Variants in PPARGC1B observed in about 807,000 individuals in gnomAD.
PPARGC1B encodes peroxisome proliferator-activated receptor gamma coactivator 1-beta.
A neutral mutation model predicts 101.6 loss-of-function variants in PPARGC1B; 34 were observed. That is an observed-to-expected ratio of 0.33 (90% CI 0.25 to 0.45). The LOEUF (loss-of-function observed/expected upper bound fraction) is 0.45. Ranked by LOEUF, PPARGC1B falls within the 20% of genes least tolerant of loss-of-function variation. The probability of loss-of-function intolerance (pLI) is 1.00; values close to 1 mark genes in which losing one functional copy is unlikely to be tolerated. For synonymous variants in PPARGC1B, 548 were observed against 539.3 expected, an observed-to-expected ratio of 1.02 and a Z score of -0.22; for missense variants, 1,234 against 1,317.6, an observed-to-expected ratio of 0.94 and a Z score of 0.98.
chr5:149,834,585 C>A, intron 5 of PPARGC1B, 89 bp from the exon 6 acceptor site: 3 of 1,188,536 alleles, frequency 2.5e-6, no homozygotes, highest in Non-Finnish European at 3.7e-6. Flanking sequence ...TGCTTGGCAC[C>A]AGTGGAGGCC....
chr5:149,808,772 A>G (rs1210435840), intron 1 of PPARGC1B, among the ~76,000 whole-genome samples: 4 of 152,150 alleles, frequency 2.6e-5, no homozygotes, highest in Admixed American at 1.3e-4. Context: ...AGCACCTACT[A>G]TGTGCCAGGC....
In PPARGC1B at chr5:149,847,399, G is replaced by A. The variant is rs761859884; in HGVS notation, c.2972-59G>A. 2.4e-6 allele frequency: 3 copies of A among 1,263,314 alleles called. No homozygotes were observed. In the East Asian group the frequency reaches 6.9e-5, roughly 29 times the overall value. 78.3% of individuals were successfully genotyped at this position (1,263,314 alleles called of 1,614,324 possible). On this transcript the variant is annotated intron_variant, in intron 11 of 11. Transcript: ENST00000309241. ...TAGTGGCAGATTCTTCAACCATCCGGTCTTTGTAAGTTGCTCACTGCCTTC... is the reference window on the plus strand; with the variant it reads ...TAGTGGCAGATTCTTCAACCATCCGATCTTTGTAAGTTGCTCACTGCCTTC...
At chr5:149,734,940 T>C (rs1754644886) in intron 1 of PPARGC1B, among the ~76,000 whole-genome samples, 1 of 152,198 alleles carries the variant, frequency 6.6e-6, no homozygotes, top group East Asian at 1.9e-4. Flanking sequence ...CTCCTCGTTG[T>C]TCTAAAGCTG....
intron 3 of PPARGC1B, among the ~76,000 whole-genome samples, chr5:149,829,539 T>G (rs1290185735): frequency 6.6e-6 from 1 of 151,994 alleles, no homozygotes; most frequent in Non-Finnish European, 1.5e-5. Flanking sequence ...TGTACTAAAA[T>G]CTCATGATCT....
At chr5:149,760,717 A>G (rs1371757208) in intron 1 of PPARGC1B, among the ~76,000 whole-genome samples, 1 of 152,178 alleles carries the variant, frequency 6.6e-6, no homozygotes, top group Non-Finnish European at 1.5e-5. Flanking sequence ...CACAAATAAG[A>G]AAGGAATTGT....
intron 3 of PPARGC1B, among the ~76,000 whole-genome samples, chr5:149,830,462 T>C (rs913657702): frequency 1.3e-5 from 2 of 152,132 alleles, no homozygotes; most frequent in African/African-American, 4.8e-5. Flanking sequence ...ATTTTAACAG[T>C]AGAATAGACA....
intron 1 of PPARGC1B, among the ~76,000 whole-genome samples, chr5:149,744,803 C>T (rs1054393998): frequency 5.3e-5 from 8 of 151,998 alleles, no homozygotes; most frequent in Non-Finnish European, 1.0e-4. Context: ...GTTTGTAGCT[C>T]GGCATTAGAT....
chr5:149,750,451 A>ATATAT (rs1755244430), intron 1 of PPARGC1B, among the ~76,000 whole-genome samples: 3 of 69,774 alleles, frequency 4.3e-5, no homozygotes, highest in African/African-American at 1.6e-4. Flanking sequence ...TGTTTTAGTT[A>ATATAT]AAATATATAT....
chr5:149,843,216 T>TA (rs1188029169), intron 10 of PPARGC1B, among the ~76,000 whole-genome samples: 1 of 152,136 alleles, frequency 6.6e-6, no homozygotes, highest in Non-Finnish European at 1.5e-5. Flanking sequence ...TTTCGTCACT[T>TA]ACCTGGAGAA....
intron 1 of PPARGC1B, among the ~76,000 whole-genome samples, chr5:149,814,366 C>A (rs1322970114): frequency 6.6e-6 from 1 of 152,136 alleles, no homozygotes; most frequent in East Asian, 1.9e-4. Flanking sequence ...CTGCGTGTTT[C>A]CCCCCTATGT....
intron 3 of PPARGC1B, among the ~76,000 whole-genome samples, chr5:149,827,419 C>T (rs1581102433): frequency 6.6e-6 from 1 of 152,222 alleles, no homozygotes; most frequent in African/African-American, 2.4e-5. Context: ...AGCTCTTCCA[C>T]ATGAGCACGT....
At position 149,836,852 on chromosome 5, in the gene PPARGC1B, C is replaced by T. The variant is rs143200498; in HGVS notation, c.2397C>T (p.Ser799=). ...DTVFEDSSSS[S]GESSFLPEEE... ...TCTTTGAAGACAGCAGCAGCAGCAG[C>T]GGCGAGAGCAGCTTCCTCCCAGAGG... The change falls in exon 8 of 12, where the codon AGC becomes AGT. Residue 799 remains serine (S), a synonymous_variant. Coordinates refer to ENST00000309241, the MANE Select transcript of PPARGC1B (RefSeq NM_133263.4). 6.8e-5 allele frequency: 110 copies of T among 1,612,956 alleles called. 2 individuals are homozygous for T. In the Middle Eastern group the frequency reaches 1.5e-3, roughly 22 times the overall value.
chr5:149,747,472 G>A (rs535853939), intron 1 of PPARGC1B, among the ~76,000 whole-genome samples: 3 of 152,336 alleles, frequency 2.0e-5, no homozygotes, highest in East Asian at 1.9e-4. Flanking sequence ...GGGGCTTGGG[G>A]ACATAGCTCC....
At chr5:149,802,396 T>A (rs1757458976) in intron 1 of PPARGC1B, among the ~76,000 whole-genome samples, 1 of 152,028 alleles carries the variant, frequency 6.6e-6, no homozygotes, top group Non-Finnish European at 1.5e-5. Flanking sequence ...CTCTGCTGCT[T>A]GTTTTTATTT....
chr5:149,742,771 G>A (rs1056572277), intron 1 of PPARGC1B, among the ~76,000 whole-genome samples: 4 of 152,146 alleles, frequency 2.6e-5, no homozygotes, highest in Non-Finnish European at 4.4e-5. Context: ...AAGTAGGCTG[G>A]GATTTGAACC....
At chr5:149,757,360 T>C (rs10054990) in intron 1 of PPARGC1B, among the ~76,000 whole-genome samples, 50,233 of 151,184 alleles carry the variant, frequency 0.33, 8,813 homozygotes, top group Non-Finnish European at 0.39. Flanking sequence ...TTTTTTTTTT[T>C]CAGAGCAGGT....
At chr5:149,747,801 G>C (rs929071259) in intron 1 of PPARGC1B, among the ~76,000 whole-genome samples, 7 of 152,188 alleles carry the variant, frequency 4.6e-5, no homozygotes, top group Non-Finnish European at 7.3e-5. Flanking sequence ...CCTCCCTGGT[G>C]GGGTGGGGGT....
chr5:149,835,291 C>T lies in PPARGC1B; in HGVS notation c.1743-10C>T. 6.2e-7 allele frequency: 1 copy of T among 1,613,994 alleles called. No homozygotes were observed. The highest frequency in any genetic ancestry group is 8.5e-7 in the Non-Finnish European group (1 of 1,179,850). On this transcript the variant is annotated splice_polypyrimidine_tract_variant and intron_variant, in intron 6 of 11. Transcript: ENST00000309241. Reference sequence around the variant, plus strand: ...GCTTCTTTCCTTTCTGTCCTCCCTGCCTCCACCAGCGACCCAACTTTTGGC... The same window carrying T: ...GCTTCTTTCCTTTCTGTCCTCCCTGTCTCCACCAGCGACCCAACTTTTGGC...
At chr5:149,807,424 C>T (rs1259556917) in intron 1 of PPARGC1B, among the ~76,000 whole-genome samples, 1 of 151,994 alleles carries the variant, frequency 6.6e-6, no homozygotes, top group Non-Finnish European at 1.5e-5. Flanking sequence ...CCCCTTCAGC[C>T]GTGTGACATG....
Sources: allele counts gnomAD v4.1 joint callset (sites outside exome capture counted in the v4.1 genomes callset), GRCh38; gene constraint gnomAD v4.1.1; transcripts MANE v1.5; gene names NCBI Gene and HGNC (gene_info 2026-07-23, HGNC 2026-07-21).